The following CDK19 variants were observed in gnomAD, a reference collection of about 807,000 sequenced individuals.
CDK19 encodes the protein cyclin dependent kinase 19, also known as cyclin-dependent kinase 19.
CDK19 carries 20 observed loss-of-function variants against 68.3 expected under a neutral mutation model. The observed-to-expected ratio is 0.29, with a 90% CI of 0.21 to 0.43. The LOEUF is 0.43. Among genes scored for constraint, CDK19 ranks in the 20% least tolerant of loss-of-function variants. The pLI is 1.00. For synonymous variants in CDK19, 221 were observed against 222.8 expected (o/e 0.99, Z 0.07); for missense variants, 339 against 623.5 (o/e 0.54, Z 4.86).
chr6:110,779,807 G>T (rs1277488281), intron 1 of CDK19, among the ~76,000 whole-genome samples: 1 of 152,102 alleles, frequency 6.6e-6, no homozygotes, highest in Admixed American at 6.6e-5. Flanking sequence ...AAAGGAGGCT[G>T]GGCGCTGTGG....
At chr6:110,807,929 G>A (rs780371076) in intron 1 of CDK19, among the ~76,000 whole-genome samples, 26 of 151,234 alleles carry the variant, frequency 1.7e-4, no homozygotes, top group African/African-American at 3.2e-4. Flanking sequence ...CACCTCATCC[G>A]GCCATAAAAT....
chr6:110,812,213 C>A (rs1381191339), intron 1 of CDK19, among the ~76,000 whole-genome samples: 1 of 151,904 alleles, frequency 6.6e-6, no homozygotes, highest in Non-Finnish European at 1.5e-5. Context: ...CTCCACCTCC[C>A]GGGTTCACGC....
At chr6:110,695,883 G>C (rs746516483) in intron 2 of CDK19, among the ~76,000 whole-genome samples, 5 of 151,398 alleles carry the variant, frequency 3.3e-5, no homozygotes, top group Non-Finnish European at 7.4e-5. Context: ...AAAAGTCCAG[G>C]ACCAGATGGA....
chr6:110,616,314 C>T (rs904799833), intron 12 of CDK19, among the ~76,000 whole-genome samples: 4 of 152,202 alleles, frequency 2.6e-5, no homozygotes, highest in Admixed American at 6.5e-5. Context: ...CAAAGGCTGC[C>T]AAACGACTTG....
intron 1 of CDK19, among the ~76,000 whole-genome samples, chr6:110,795,800 A>C (rs559608292): frequency 6.6e-6 from 1 of 152,290 alleles, no homozygotes; most frequent in South Asian, 2.1e-4. Flanking sequence ...AGCATTGCAT[A>C]TTCATATAAG....
chr6:110,630,193 A>C (rs1292078993), intron 6 of CDK19, among the ~76,000 whole-genome samples: 1 of 152,218 alleles, frequency 6.6e-6, no homozygotes, highest in Non-Finnish European at 1.5e-5. Flanking sequence ...CATTTAGCTT[A>C]ACAGAAGGTT....
At position 110,626,811 on chromosome 6, in the gene CDK19, T is replaced by G; in HGVS notation, c.825A>C (p.Glu275Asp). ...TAAAGTCTTTTTGAAGTGTGGGATA[T>G]TCTGGCATCTTTCTAATATCTTCCC... ...KDWEDIRKMP[E>D]YPTLQKDFRR... The change falls in exon 8 of 13, where the codon GAA becomes GAC. Residue 275 changes from glutamate to aspartate, a missense_variant. Coordinates refer to ENST00000368911, the MANE Select transcript of CDK19 (RefSeq NM_015076.5). 1 of 1,583,542 alleles carries G rather than the reference T, an allele frequency of 6.3e-7. No individual in the cohort carries two copies. The highest frequency in any genetic ancestry group is 8.6e-7 in the Non-Finnish European group (1 of 1,160,048).
At chr6:110,761,023 A>AAAGCAAGTTAAAGCTGGAG (rs1194830231) in intron 1 of CDK19, among the ~76,000 whole-genome samples, 3 of 152,234 alleles carry the variant, frequency 2.0e-5, no homozygotes, top group Non-Finnish European at 2.9e-5. Flanking sequence ...CAAGTAGGGG[A>AAAGCAAGTTAAAGCTGGAG]AAGCAAGTTA....
chr6:110,734,656 T>C lies in CDK19; in HGVS notation c.204+11470A>G, dbSNP rs529621883. Among the ~76,000 whole-genome samples, 7 of 151,900 alleles carry C rather than the reference T, an allele frequency of 4.6e-5. No homozygotes were observed. In the East Asian group the frequency reaches 1.2e-3, roughly 25 times the overall value. ...AGCCCCTATTAGGCTTTGAAATTTA[T>C]GCTACCACAAAATCCCCAAAGAGTC... On this transcript the variant is annotated intron_variant, in intron 2 of 12. Transcript: ENST00000368911.
chr6:110,684,816 A>C (rs185863634), intron 2 of CDK19, among the ~76,000 whole-genome samples: 60 of 152,322 alleles, frequency 3.9e-4, no homozygotes, highest in African/African-American at 1.4e-3. Flanking sequence ...AATGATGCCA[A>C]CATTTCCCAA....
chr6:110,627,802 G>A (rs1779185195), intron 6 of CDK19, among the ~76,000 whole-genome samples: 1 of 152,120 alleles, frequency 6.6e-6, no homozygotes, highest in African/African-American at 2.4e-5. Context: ...CTGATATACT[G>A]AAACAATATC....
intron 2 of CDK19, among the ~76,000 whole-genome samples, chr6:110,743,097 G>A (rs544432179): frequency 3.9e-5 from 6 of 152,100 alleles, no homozygotes; most frequent in African/African-American, 7.2e-5. Flanking sequence ...TGACACTTAC[G>A]GAAAATAGAA....
At chr6:110,768,610 CA>C (rs547222450) in intron 1 of CDK19, among the ~76,000 whole-genome samples, 18 of 152,202 alleles carry the variant, frequency 1.2e-4, no homozygotes, top group African/African-American at 4.1e-4. Context: ...ATGCATATTA[CA>C]AAGTGCAAGA....
intron 2 of CDK19, among the ~76,000 whole-genome samples, chr6:110,712,484 TG>T (rs1395723224): frequency 9.2e-5 from 14 of 152,236 alleles, no homozygotes; most frequent in African/African-American, 3.4e-4. Context: ...CAGACTTCTA[TG>T]GAACTATAGT....
chr6:110,745,870 A>C (rs1778040558), intron 2 of CDK19, among the ~76,000 whole-genome samples: 4 of 152,168 alleles, frequency 2.6e-5, no homozygotes, highest in Admixed American at 2.6e-4. Flanking sequence ...CGAGAGGCTA[A>C]GGCAGGAAGA....
chr6:110,799,228 C>T (rs969222857), intron 1 of CDK19, among the ~76,000 whole-genome samples: 2 of 105,412 alleles, frequency 1.9e-5, no homozygotes, highest in Admixed American at 8.7e-5. Flanking sequence ...ACATAGAATA[C>T]AAAGAAAAAC....
At chr6:110,646,411 C>G (rs1582767151) in intron 4 of CDK19, 3 of 1,486,462 alleles carry the variant, frequency 2.0e-6, no homozygotes, top group Non-Finnish European at 2.7e-6. Context: ...TGGCGGGCGG[C>G]GACATGGCCT....
chr6:110,725,837 G>T (rs549744181), intron 2 of CDK19, among the ~76,000 whole-genome samples: 1 of 152,158 alleles, frequency 6.6e-6, no homozygotes, highest in African/African-American at 2.4e-5. Flanking sequence ...TTTTACATAA[G>T]CAAGATAGGA....
rs1324013746 is a variant in CDK19, at chr6:110,815,030, T to C, written c.107A>G (p.Tyr36Cys). 6.2e-7 allele frequency: 1 copy of C among 1,604,130 alleles called. No individual in the cohort carries two copies. Among genetic ancestry groups the C allele is most frequent in the Non-Finnish European group, 8.5e-7 (1 of 1,176,096 alleles). Reference protein sequence around the residue: ...KVGRGTYGHVYKARRKDGKDE... With the variant: ...KVGRGTYGHVCKARRKDGKDE... ...TTACCCATCTTTCCGCCTCGCCTTG[T>C]AGACGTGACCGTAGGTGCCGCGTCC... Residue 36 changes from tyrosine (Y) to cysteine (C), a missense_variant, in exon 1 of 13, where the codon TAC becomes TGC. Physicochemically the swap from Tyr to Cys is radical, Grantham distance 194. This residue lies in a region of CDK19 where 120 missense variants were observed against 224.0 expected (regional missense o/e 0.54). Transcript: ENST00000368911.
Sources: allele counts gnomAD v4.1 joint callset (sites outside exome capture counted in the v4.1 genomes callset), GRCh38; gene constraint gnomAD v4.1.1; regional missense constraint gnomAD v4.1.1; transcripts MANE v1.5; gene names NCBI Gene and HGNC (gene_info 2026-07-23, HGNC 2026-07-21).